Variants in MAGI3 observed in about 807,000 individuals in gnomAD.
The protein encoded by MAGI3 is membrane-associated guanylate kinase, WW and PDZ domain-containing protein 3.
MAGI3 carries 43 observed loss-of-function variants against 121.8 expected under a neutral mutation model. That is an observed-to-expected ratio of 0.35 (90% CI 0.28 to 0.46). The LOEUF (loss-of-function observed/expected upper bound fraction) is 0.46, where lower values mean the gene tolerates loss of function less well. Ranked by LOEUF, MAGI3 falls within the 20% of genes least tolerant of loss-of-function variation. The pLI, the probability that MAGI3 is intolerant of heterozygous loss-of-function variation, is 1.00. For missense variants in MAGI3, 1,547 were observed against 1,797.3 expected (o/e 0.86, Z 2.52); for synonymous variants, 553 against 639.3 (o/e 0.86, Z 2.04).
At chr1:113,416,400 A>G (rs60297141) in intron 1 of MAGI3, among the ~76,000 whole-genome samples, 1 of 88,632 alleles carries the variant, frequency 1.1e-5, no homozygotes, top group African/African-American at 4.1e-5. Flanking sequence ...ATTAATTATT[A>G]ATTAATTAAT....
At chr1:113,569,791 A>G (rs1660583615) in intron 2 of MAGI3, among the ~76,000 whole-genome samples, 1 of 152,196 alleles carries the variant, frequency 6.6e-6, no homozygotes, top group Non-Finnish European at 1.5e-5. Context: ...AGATAAAATA[A>G]TGATGCAGTT....
chr1:113,639,670 C>G (rs922195243), intron 9 of MAGI3, among the ~76,000 whole-genome samples: 6 of 152,078 alleles, frequency 3.9e-5, no homozygotes, highest in Non-Finnish European at 8.8e-5. Flanking sequence ...TGGGTTCAAG[C>G]AATTCTCCTG....
chr1:113,458,891 A>G (rs991404179), intron 1 of MAGI3, among the ~76,000 whole-genome samples: 4 of 152,188 alleles, frequency 2.6e-5, no homozygotes, highest in Non-Finnish European at 2.9e-5. Flanking sequence ...ACACAAGTAA[A>G]CAATGAAAAA....
At chr1:113,433,246 A>G (rs1207813404) in intron 1 of MAGI3, among the ~76,000 whole-genome samples, 1 of 152,118 alleles carries the variant, frequency 6.6e-6, no homozygotes, top group Non-Finnish European at 1.5e-5. Context: ...ATGTGATTCT[A>G]CCTTCAGGTA....
At chr1:113,623,622 G>A (rs979115653) in intron 9 of MAGI3, among the ~76,000 whole-genome samples, 4 of 151,838 alleles carry the variant, frequency 2.6e-5, no homozygotes, top group Middle Eastern at 3.2e-3. Context: ...CGAGTAGCTG[G>A]GACTACAGGC....
At chr1:113,415,421 G>A (rs997374368) in intron 1 of MAGI3, among the ~76,000 whole-genome samples, 9 of 152,028 alleles carry the variant, frequency 5.9e-5, no homozygotes, top group Non-Finnish European at 1.2e-4. Context: ...TCAGAGGTTT[G>A]TGTATACCAG....
intron 7 of MAGI3, among the ~76,000 whole-genome samples, chr1:113,617,142 G>A (rs549551122): frequency 6.6e-6 from 1 of 152,116 alleles, no homozygotes; most frequent in South Asian, 2.1e-4. Flanking sequence ...ACCCGCCTCG[G>A]CCTCCCAAAG....
chr1:113,475,082 G>C (rs1655745973), intron 1 of MAGI3, among the ~76,000 whole-genome samples: 1 of 152,164 alleles, frequency 6.6e-6, no homozygotes, highest in African/African-American at 2.4e-5. Context: ...TTTGCACATT[G>C]ATTTTGTATC....
At chr1:113,393,978 A>G (rs1252504893) in intron 1 of MAGI3, among the ~76,000 whole-genome samples, 1 of 152,224 alleles carries the variant, frequency 6.6e-6, no homozygotes, top group Admixed American at 6.5e-5. Flanking sequence ...AAGATGTAAT[A>G]CTAATCGGAA....
intron 1 of MAGI3, among the ~76,000 whole-genome samples, chr1:113,471,277 T>C (rs1655526488): frequency 1.3e-5 from 2 of 152,204 alleles, no homozygotes; most frequent in Non-Finnish European, 2.9e-5. Flanking sequence ...ATCAAATATT[T>C]TCAGCCACAA....
intron 6 of MAGI3, among the ~76,000 whole-genome samples, chr1:113,605,807 C>T (rs189059386): frequency 1.3e-5 from 2 of 152,122 alleles, no homozygotes; most frequent in East Asian, 3.9e-4. Flanking sequence ...ACCGTATTGG[C>T]GAGGCTGGTC....
At chr1:113,571,352 C>T (rs1197232464) in intron 2 of MAGI3, among the ~76,000 whole-genome samples, 5 of 152,072 alleles carry the variant, frequency 3.3e-5, no homozygotes, top group African/African-American at 1.2e-4. Flanking sequence ...GTTCCTTTTG[C>T]TTAGGATTGT....
chr1:113,607,819 A>G (rs1219702110), intron 6 of MAGI3, among the ~76,000 whole-genome samples: 1 of 152,218 alleles, frequency 6.6e-6, no homozygotes, highest in African/African-American at 2.4e-5. Flanking sequence ...AGTAAAGTCC[A>G]GACTCCTTGG....
At position 113,406,306 on chromosome 1, in the gene MAGI3, G is replaced by T. The variant is rs577285605; in HGVS notation, c.316+14957G>T. The stretch of plus-strand genomic sequence containing the variant: ...AAAAAAAAAAAAAAAAAATTAGCCG[G>T]GTGTGGTGGCACGTGCCTGTAGTTC... On this transcript the variant is annotated intron_variant, in intron 1 of 20. Transcript: ENST00000307546. Among the ~76,000 whole-genome samples the T allele has an allele frequency of 2.6e-5, 4 of 150,944 alleles. No homozygotes were observed. The South Asian group carries it at 6.3e-4, about 24-fold the overall frequency.
rs140373562 is a variant in MAGI3, at chr1:113,444,535, A to C, written c.316+53186A>C. 1.5e-4 allele frequency among the ~76,000 whole-genome samples: 23 copies of C among 152,334 alleles called. No homozygotes were observed. The East Asian group carries it at 4.2e-3, about 28-fold the overall frequency. On this transcript the variant is annotated intron_variant, in intron 1 of 20. Transcript: ENST00000307546. ...TTGGAAAAGACCTGGGAAAACCTTA[A>C]GTTTACATTTCAGGCTGATCATTGG...
At chr1:113,509,890 G>A (rs957231395) in intron 1 of MAGI3, among the ~76,000 whole-genome samples, 1 of 149,246 alleles carries the variant, frequency 6.7e-6, no homozygotes, top group African/African-American at 2.5e-5. Context: ...CCTGTCTCGC[G>A]GTGCTGTTCA....
intron 2 of MAGI3, among the ~76,000 whole-genome samples, chr1:113,554,676 A>G (rs1356833409): frequency 6.6e-6 from 1 of 152,040 alleles, no homozygotes; most frequent in African/African-American, 2.4e-5. Context: ...AAAGTGGAGG[A>G]AGGAGAAAAA....
At chr1:113,542,792 G>A (rs1037766688) in intron 1 of MAGI3, among the ~76,000 whole-genome samples, 2 of 152,156 alleles carry the variant, frequency 1.3e-5, no homozygotes, top group African/African-American at 4.8e-5. Context: ...CAGAGAAAGA[G>A]AGAGGGAGAG....
At chr1:113,410,278 G>A (rs1651906838) in intron 1 of MAGI3, among the ~76,000 whole-genome samples, 1 of 152,064 alleles carries the variant, frequency 6.6e-6, no homozygotes, top group East Asian at 1.9e-4. Flanking sequence ...ATTAGAAGAA[G>A]GTCTAGAGCC....
Sources: gnomAD v4.1 joint callset for allele counts (sites outside exome capture counted in the v4.1 genomes callset) on GRCh38, gnomAD v4.1.1 for gene constraint, MANE v1.5 for transcripts, NCBI Gene and HGNC (gene_info 2026-07-23, HGNC 2026-07-21) for gene names.